The following ADAM18 variants were observed in gnomAD, a reference collection of about 807,000 sequenced individuals.
ADAM18 encodes disintegrin and metalloproteinase domain-containing protein 18.
Under a neutral mutation model 94.4 loss-of-function variants are expected in ADAM18, and 117 were observed. The observed-to-expected ratio is 1.24, with a 90% CI of 1.07 to 1.45. The LOEUF is 1.45. Among genes scored for constraint, ADAM18 ranks in the 40% most tolerant of loss-of-function variants. The probability of loss-of-function intolerance (pLI) is 0.00; values close to 1 mark genes in which losing one functional copy is unlikely to be tolerated. For synonymous variants in ADAM18, 327 were observed against 291.6 expected (o/e 1.12, Z -1.24); for missense variants, 936 against 880.0 (o/e 1.06, Z -0.81).
At chr8:39,637,805 G>A in intron 9 of ADAM18, 102 bp downstream of exon 9, 1 of 1,159,306 alleles carries the variant, frequency 8.6e-7, no homozygotes, top group Non-Finnish European at 1.2e-6. Flanking sequence ...AAGCCCCTTT[G>A]GAAGTGTTTA....
chr8:39,602,969 C>T (rs1370707930), intron 2 of ADAM18, among the ~76,000 whole-genome samples: 5 of 152,044 alleles, frequency 3.3e-5, no homozygotes, highest in African/African-American at 9.7e-5. Context: ...TCTTTCCACA[C>T]TTGTGCAAGG....
At chr8:39,671,377 G>A (rs1821151932) in intron 14 of ADAM18, among the ~76,000 whole-genome samples, 1 of 152,166 alleles carries the variant, frequency 6.6e-6, no homozygotes, top group Non-Finnish European at 1.5e-5. Context: ...AAATACCATT[G>A]AACTTAGGAA....
At chr8:39,629,643 A>C (rs1279265792) in intron 7 of ADAM18, among the ~76,000 whole-genome samples, 49 of 114,084 alleles carry the variant, frequency 4.3e-4, no homozygotes, top group Admixed American at 5.8e-4. Context: ...TCCTTCACTC[A>C]CTCCCTTTGT....
chr8:39,675,006 G>A (rs1821263003), intron 14 of ADAM18, among the ~76,000 whole-genome samples: 1 of 152,172 alleles, frequency 6.6e-6, no homozygotes, highest in Admixed American at 6.5e-5. Flanking sequence ...TTAGTCTGAT[G>A]GGCTTCCCTT....
At position 39,699,815 on chromosome 8, in the gene ADAM18, A is replaced by G. The variant is rs1275543530; in HGVS notation, c.1903-6975A>G. On this transcript the variant is annotated intron_variant, in intron 17 of 19. Coordinates refer to ENST00000265707, the MANE Select transcript of ADAM18 (RefSeq NM_014237.3). The stretch of plus-strand genomic sequence containing the variant: ...GAGCAGAATGTGATAATGGGACCCT[A>G]TTGCCCCAGGAGGCAGCAATGATGA... 4.6e-5 allele frequency among the ~76,000 whole-genome samples: 7 copies of G among 152,108 alleles called. No individual in the cohort carries two copies. The East Asian group carries it at 1.2e-3, about 25-fold the overall frequency.
rs767283735 is a variant in ADAM18 at position 39,729,970 on chromosome 8, C to G, written c.*30C>G. 1.3e-6 allele frequency: 2 copies of G among 1,594,168 alleles called. No individual in the cohort carries two copies. The highest frequency in any genetic ancestry group is 3.3e-5 in the Admixed American group (2 of 59,890). ...GCACAGAACTTCCATAGCAAATAAC[C>G]TAAAGGAACGAATGTGCTTTATTTA... On this transcript the variant is annotated 3_prime_UTR_variant, in exon 20 of 20. Coordinates refer to ENST00000265707, the MANE Select transcript of ADAM18 (RefSeq NM_014237.3).
chr8:39,722,066 T>TATTGATATC (rs962132881), intron 18 of ADAM18, among the ~76,000 whole-genome samples: 1 of 150,162 alleles, frequency 6.7e-6, no homozygotes, highest in Non-Finnish European at 1.5e-5. Context: ...ATGTAATATA[T>TATTGATATC]ATTGATATCA....
chr8:39,616,947 A>G (rs1819460115), intron 6 of ADAM18, among the ~76,000 whole-genome samples: 1 of 152,232 alleles, frequency 6.6e-6, no homozygotes, highest in Non-Finnish European at 1.5e-5. Context: ...CACTCTGAAC[A>G]TAGGCCGTAG....
intron 2 of ADAM18, among the ~76,000 whole-genome samples, chr8:39,602,415 T>A (rs978213706): frequency 6.6e-6 from 1 of 152,112 alleles, no homozygotes; most frequent in Admixed American, 6.6e-5. Context: ...ACTCTTATGA[T>A]TTTATAGGTG....
chr8:39,626,852 G>A (rs1819783582), intron 6 of ADAM18, among the ~76,000 whole-genome samples: 1 of 152,058 alleles, frequency 6.6e-6, no homozygotes, highest in South Asian at 2.1e-4. Flanking sequence ...AATGTTCTAT[G>A]TGTTGATGAG....
At chr8:39,643,886 C>A (rs1227389605) in intron 10 of ADAM18, among the ~76,000 whole-genome samples, 1 of 151,262 alleles carries the variant, frequency 6.6e-6, no homozygotes, top group African/African-American at 2.4e-5. Context: ...TTGTATCTTG[C>A]CCCAAAACAT....
intron 16 of ADAM18, among the ~76,000 whole-genome samples, chr8:39,685,979 T>C (rs892454221): frequency 6.6e-6 from 1 of 152,170 alleles, no homozygotes; most frequent in Non-Finnish European, 1.5e-5. Context: ...CTCATCAAAA[T>C]GGCTTTCACC....
chr8:39,623,054 A>G (rs763059664), intron 6 of ADAM18, among the ~76,000 whole-genome samples: 5 of 152,024 alleles, frequency 3.3e-5, no homozygotes, highest in Non-Finnish European at 7.4e-5. Flanking sequence ...TGAATCTCCA[A>G]TTTCCATGAT....
chr8:39,604,289 C>T (rs750133203), intron 2 of ADAM18, among the ~76,000 whole-genome samples: 51 of 152,296 alleles, frequency 3.3e-4, no homozygotes, highest in African/African-American at 7.5e-4. Context: ...GCCCTCATTA[C>T]GCATTAGAAA....
chr8:39,724,645 A>T (rs138129792), intron 19 of ADAM18, among the ~76,000 whole-genome samples: 1 of 151,828 alleles, frequency 6.6e-6, no homozygotes, highest in African/African-American at 2.4e-5. Flanking sequence ...TGTAAGGCCA[A>T]TGCTTACATG....
intron 2 of ADAM18, among the ~76,000 whole-genome samples, chr8:39,595,976 T>C (rs1818729958): frequency 6.6e-6 from 1 of 152,244 alleles, no homozygotes; most frequent in Non-Finnish European, 1.5e-5. Context: ...CTATTCCATT[T>C]TGGCTGGAAC....
Position 39,645,364 on chromosome 8 carries a change from A to G in ADAM18, c.936A>G (p.Gly312=). The G allele has an allele frequency of 6.2e-7, 1 of 1,611,206 alleles. No homozygotes were observed. Among genetic ancestry groups the G allele is most frequent in the Non-Finnish European group, 8.5e-7 (1 of 1,178,676 alleles). The part of the protein sequence containing the change: ...AMYPDAIGLE[G]FSVIIAQLLG... ...ATCCAGATGCAATAGGTTTGGAGGG[A>G]TTTTCGGTTATTATAGCTCAACTGC... The change falls in exon 11 of 20, where the codon GGA becomes GGG. Residue 312 remains glycine (G), a synonymous_variant. Transcript: ENST00000265707.
chr8:39,724,970 A>AT (rs1822860840), intron 19 of ADAM18, among the ~76,000 whole-genome samples: 1 of 151,818 alleles, frequency 6.6e-6, no homozygotes, highest in Admixed American at 6.6e-5. Flanking sequence ...TTTTTTGAGA[A>AT]TTTTTATAGG....
At chr8:39,712,929 G>A (rs1563317575) in intron 18 of ADAM18, among the ~76,000 whole-genome samples, 2 of 151,976 alleles carry the variant, frequency 1.3e-5, no homozygotes, top group East Asian at 1.9e-4. Flanking sequence ...CACAGAATTG[G>A]AAAAAACTAC....
Sources: gnomAD v4.1 joint callset for allele counts (sites outside exome capture counted in the v4.1 genomes callset) on GRCh38, gnomAD v4.1.1 for gene constraint, MANE v1.5 for transcripts, NCBI Gene and HGNC (gene_info 2026-07-23, HGNC 2026-07-21) for gene names.